The following MECOM variants were observed in gnomAD, a reference collection of about 807,000 sequenced individuals.
The protein encoded by MECOM is histone-lysine N-methyltransferase MECOM.
A neutral mutation model predicts 116.3 loss-of-function variants in MECOM; 13 were observed. That is an observed-to-expected ratio of 0.11 (90% CI 0.07 to 0.18). The LOEUF (loss-of-function observed/expected upper bound fraction) is 0.18, where lower values mean the gene tolerates loss of function less well. Ranked by LOEUF, MECOM falls within the 10% of genes least tolerant of loss-of-function variation. The probability of loss-of-function intolerance (pLI) is 1.00; values close to 1 mark genes in which losing one functional copy is unlikely to be tolerated. For synonymous variants in MECOM, 528 were observed against 535.2 expected (o/e 0.99, Z 0.19); for missense variants, 1,299 against 1,509.0 (o/e 0.86, Z 2.31).
At chr3:169,641,261 G>A (rs545592878) in intron 1 of MECOM, among the ~76,000 whole-genome samples, 4 of 152,244 alleles carry the variant, frequency 2.6e-5, no homozygotes, top group Admixed American at 6.5e-5. Flanking sequence ...GCAGTGAGAA[G>A]TAGGAAAGCA....
At chr3:169,565,438 A>G (rs1763124931) in intron 1 of MECOM, among the ~76,000 whole-genome samples, 1 of 152,018 alleles carries the variant, frequency 6.6e-6, no homozygotes, top group Admixed American at 6.6e-5. Context: ...TCTTCTCACC[A>G]TTATCTCTGT....
chr3:169,207,198 G>A (rs1437764454), intron 2 of MECOM, among the ~76,000 whole-genome samples: 2 of 152,218 alleles, frequency 1.3e-5, no homozygotes. Flanking sequence ...GTCTGGAGAA[G>A]CAGCAGGGAA....
chr3:169,451,866 A>AT (rs2108671399), intron 1 of MECOM, among the ~76,000 whole-genome samples: 1 of 152,158 alleles, frequency 6.6e-6, no homozygotes, highest in East Asian at 1.9e-4. Context: ...CATGTTTAAA[A>AT]TAGACATGGT....
intron 1 of MECOM, among the ~76,000 whole-genome samples, chr3:169,478,890 T>G (rs1399347592): frequency 2.6e-5 from 4 of 152,226 alleles, no homozygotes; most frequent in Non-Finnish European, 4.4e-5. Flanking sequence ...CAGCAGTTAT[T>G]GATGTGGAAC....
chr3:169,486,428 A>G (rs1162430373), intron 1 of MECOM, among the ~76,000 whole-genome samples: 1 of 152,130 alleles, frequency 6.6e-6, no homozygotes, highest in African/African-American at 2.4e-5. Flanking sequence ...AGCAAGGCTC[A>G]GATCTTTCCA....
chr3:169,214,099 T>C (rs1346319595), intron 2 of MECOM, among the ~76,000 whole-genome samples: 1 of 152,152 alleles, frequency 6.6e-6, no homozygotes, highest in African/African-American at 2.4e-5. Context: ...ACTGCCCCCA[T>C]CTTTCAATTG....
At chr3:169,470,055 AC>A (rs1470072411) in intron 1 of MECOM, 1 of 152,216 alleles carries the variant, frequency 6.6e-6, no homozygotes, top group African/African-American at 2.4e-5. Context: ...TCCGAAAGGT[AC>A]CCAAAAGTAT....
At chr3:169,509,400 A>G (rs80168034) in intron 1 of MECOM, among the ~76,000 whole-genome samples, 4,071 of 152,300 alleles carry the variant, frequency 0.027, 168 homozygotes, top group African/African-American at 0.093. Context: ...GTTCAGTGAC[A>G]TTAAGTACCT....
intron 5 of MECOM, among the ~76,000 whole-genome samples, chr3:169,127,238 C>T (rs567739300): frequency 6.6e-6 from 1 of 152,168 alleles, no homozygotes; most frequent in Admixed American, 6.5e-5. Flanking sequence ...GTTAATATGT[C>T]ACTGAAATAT....
At chr3:169,589,001 G>A (rs1174242697) in intron 1 of MECOM, among the ~76,000 whole-genome samples, 1 of 152,012 alleles carries the variant, frequency 6.6e-6, no homozygotes, top group Non-Finnish European at 1.5e-5. Context: ...TCCAATTAGA[G>A]GGCTGGGAAG....
chr3:169,354,778 T>A (rs1047685044), intron 2 of MECOM, among the ~76,000 whole-genome samples: 3 of 151,136 alleles, frequency 2.0e-5, no homozygotes, highest in African/African-American at 7.4e-5. Flanking sequence ...ATATGTTTGT[T>A]CAGTTTTTCC....
intron 7 of MECOM, among the ~76,000 whole-genome samples, chr3:169,118,436 C>A (rs1729885642): frequency 6.6e-6 from 1 of 151,906 alleles, no homozygotes; most frequent in Admixed American, 6.6e-5. Context: ...TAACCATACA[C>A]CATAAATATA....
At chr3:169,614,311 T>G (rs1769705268) in intron 1 of MECOM, among the ~76,000 whole-genome samples, 2 of 151,786 alleles carry the variant, frequency 1.3e-5, no homozygotes, top group Admixed American at 1.3e-4. Flanking sequence ...AAACAGAGCT[T>G]TAGGTTTTCC....
chr3:169,253,356 A>C (rs1313386279), intron 2 of MECOM, among the ~76,000 whole-genome samples: 5 of 151,830 alleles, frequency 3.3e-5, no homozygotes, highest in African/African-American at 9.7e-5. Flanking sequence ...ATTCTCAGCA[A>C]ACCCATTTGT....
chr3:169,441,102 C>A (rs1455977543), intron 1 of MECOM, among the ~76,000 whole-genome samples: 3 of 152,156 alleles, frequency 2.0e-5, no homozygotes, highest in African/African-American at 7.2e-5. Flanking sequence ...TTGCTCTGGG[C>A]AGCCTGGGTA....
Position 169,112,806 on chromosome 3 carries a change from C to T in MECOM, c.2558G>A (p.Gly853Glu), listed in dbSNP as rs763586979. 1.7e-5 allele frequency: 27 copies of T among 1,612,796 alleles called. No individual in the cohort carries two copies. The highest frequency in any genetic ancestry group is 2.2e-5 in the Non-Finnish European group (26 of 1,179,288). Reference protein sequence around the residue: ...LKEKYLRPSPGFLFHPQFQLP... With the variant: ...LKEKYLRPSPEFLFHPQFQLP... ...ACTTACTTGTGGGTGAAACAAGAAT[C>T]CTGGAGAAGGCCTCAAGTATTTCTC... Residue 853 changes from glycine to glutamate, a missense_variant, in exon 9 of 17, where the codon GGA becomes GAA. Physicochemically the swap from Gly to Glu is moderately conservative, Grantham distance 98 (BLOSUM62 -2). This residue lies in a region of MECOM where 340 missense variants were observed against 312.6 expected (regional missense o/e 1.09). Coordinates refer to ENST00000651503, the MANE Select transcript of MECOM (RefSeq NM_004991.4).
intron 2 of MECOM, among the ~76,000 whole-genome samples, chr3:169,205,888 C>T (rs1488969061): frequency 6.6e-6 from 1 of 152,100 alleles, no homozygotes; most frequent in Non-Finnish European, 1.5e-5. Context: ...GGATTAGATG[C>T]TAATAATAAT....
intron 1 of MECOM, among the ~76,000 whole-genome samples, chr3:169,429,965 T>C (rs1741346246): frequency 6.6e-6 from 1 of 152,226 alleles, no homozygotes; most frequent in Non-Finnish European, 1.5e-5. Context: ...GCTTGACTTG[T>C]ACTTTGCAGA....
At chr3:169,125,989 T>A (rs1341294232) in intron 5 of MECOM, among the ~76,000 whole-genome samples, 1 of 152,132 alleles carries the variant, frequency 6.6e-6, no homozygotes, top group Non-Finnish European at 1.5e-5. Flanking sequence ...GTTCTGAATG[T>A]GGCTAGATCA....
Sources: gnomAD v4.1 joint callset for allele counts (sites outside exome capture counted in the v4.1 genomes callset) on GRCh38, gnomAD v4.1.1 for gene constraint, gnomAD v4.1.1 regional missense constraint, MANE v1.5 for transcripts, NCBI Gene and HGNC (gene_info 2026-07-23, HGNC 2026-07-21) for gene names.